The following TXNDC8 variants were observed in gnomAD, a reference collection of about 807,000 sequenced individuals.
TXNDC8 encodes thioredoxin domain containing 8, also known as thioredoxin domain-containing protein 8.
In TXNDC8, 15 loss-of-function variants were observed where a neutral mutation model predicts 12.9. That is an observed-to-expected ratio of 1.16 (90% CI 0.78 to 1.79). TXNDC8 has a LOEUF of 1.79. Among genes scored for constraint, TXNDC8 ranks in the 40% most tolerant of loss-of-function variants. The pLI, the probability that TXNDC8 is intolerant of heterozygous loss-of-function variation, is 0.00. For missense variants in TXNDC8, 128 were observed against 113.2 expected (o/e 1.13, Z -0.59); for synonymous variants, 40 against 35.4 (o/e 1.13, Z -0.46).
At chr9:110,335,046 A>G (rs778730727) in intron 1 of TXNDC8, among the ~76,000 whole-genome samples, 74 of 152,098 alleles carry the variant, frequency 4.9e-4, no homozygotes, top group Non-Finnish European at 1.0e-4. Context: ...GACTGCATCT[A>G]TATTTGCTTG....
chr9:110,303,013 G>A (rs574810680), downstream of TXNDC8, among the ~76,000 whole-genome samples: 75 of 151,954 alleles, frequency 4.9e-4, no homozygotes, highest in Non-Finnish European at 8.1e-4. Flanking sequence ...TCAGTGAGCC[G>A]AGATCATGCC....
At chr9:110,309,303 C>A (rs1838574713) in intron 3 of TXNDC8, among the ~76,000 whole-genome samples, 1 of 152,038 alleles carries the variant, frequency 6.6e-6, no homozygotes, top group Non-Finnish European at 1.5e-5. Context: ...TGCAGCAGCC[C>A]TACAGGAAAA....
At chr9:110,329,320 T>C (rs962510755) in intron 2 of TXNDC8, 29 bp from the exon 3 acceptor site, 10 of 1,557,710 alleles carry the variant, frequency 6.4e-6, no homozygotes, top group Non-Finnish European at 8.8e-6. Flanking sequence ...ATATTTCCCA[T>C]TAGTTTGGTG....
intron 3 of TXNDC8, among the ~76,000 whole-genome samples, chr9:110,324,498 A>G (rs1032292132): frequency 6.6e-6 from 1 of 152,184 alleles, no homozygotes; most frequent in Non-Finnish European, 1.5e-5. Flanking sequence ...AAGCTTAAGC[A>G]TGCATTTTGC....
chr9:110,303,003 T>C, downstream of TXNDC8, among the ~76,000 whole-genome samples: 1 of 151,860 alleles, frequency 6.6e-6, no homozygotes. Context: ...GGCAGAGGTT[T>C]CAGTGAGCCG....
chr9:110,329,484 G>T (rs1839471629), intron 2 of TXNDC8, among the ~76,000 whole-genome samples, 193 bp from the exon 3 acceptor site: 1 of 152,174 alleles, frequency 6.6e-6, no homozygotes, highest in African/African-American at 2.4e-5. Context: ...AAGGTCAGAT[G>T]ATGTAAGGAC....
intron 3 of TXNDC8, among the ~76,000 whole-genome samples, chr9:110,307,013 T>C (rs969036273): frequency 2.0e-5 from 3 of 152,024 alleles, no homozygotes; most frequent in African/African-American, 7.2e-5. Flanking sequence ...GCGATCATAG[T>C]TCACTGCAGT....
intron 3 of TXNDC8, among the ~76,000 whole-genome samples, chr9:110,311,535 ATATATATATATATATATATAT>A (rs1371027465): frequency 4.6e-5 from 5 of 109,724 alleles, no homozygotes; most frequent in African/African-American, 2.5e-4. Context: ...ATATATATAT[ATATATATATATATATATATAT>A]ATCTCCATAC....
intron 1 of TXNDC8, among the ~76,000 whole-genome samples, chr9:110,336,777 A>C (rs1839777142): frequency 6.6e-6 from 1 of 152,166 alleles, no homozygotes; most frequent in Admixed American, 6.6e-5. Flanking sequence ...AAAGAAAATG[A>C]AGTAGGAAGG....
chr9:110,303,993 G>A (rs1360154906), intron 4 of TXNDC8, among the ~76,000 whole-genome samples: 1 of 152,148 alleles, frequency 6.6e-6, no homozygotes, highest in African/African-American at 2.4e-5. Flanking sequence ...TTCTCCCCAG[G>A]TAAGAGTATT....
intron 3 of TXNDC8, among the ~76,000 whole-genome samples, chr9:110,314,139 C>T (rs1259658303): frequency 6.6e-6 from 1 of 152,160 alleles, no homozygotes; most frequent in African/African-American, 2.4e-5. Context: ...CTGATTGCCT[C>T]CTTTGGAGAG....
intron 4 of TXNDC8, among the ~76,000 whole-genome samples, chr9:110,304,184 A>G (rs887141391): frequency 1.3e-5 from 2 of 152,230 alleles, no homozygotes; most frequent in African/African-American, 4.8e-5. Context: ...AATATATTAC[A>G]TGGTTGAAGA....
chr9:110,305,604 TTC>T (rs1301872043), intron 3 of TXNDC8, among the ~76,000 whole-genome samples: 7 of 128,982 alleles, frequency 5.4e-5, no homozygotes, highest in African/African-American at 1.1e-4. Context: ...CTTTCTTTCT[TTC>T]TTTCTTTTTC....
At chr9:110,304,433 A>G (rs1329395260) in intron 4 of TXNDC8, 34 bp downstream of exon 5, 1 of 1,577,434 alleles carries the variant, frequency 6.3e-7, no homozygotes, top group Non-Finnish European at 8.7e-7. Flanking sequence ...TAAACCCCAG[A>G]TTTCTAACTC....
intron 3 of TXNDC8, among the ~76,000 whole-genome samples, chr9:110,315,095 C>T (rs1309418265): frequency 1.3e-5 from 2 of 151,998 alleles, no homozygotes; most frequent in Admixed American, 1.3e-4. Flanking sequence ...GCCCATCATC[C>T]AGAGGCAGGT....
At chr9:110,337,654 C>T (rs1368534702) in intron 1 of TXNDC8, 119 bp downstream of exon 1, 2 of 923,836 alleles carry the variant, frequency 2.2e-6, no homozygotes, top group Non-Finnish European at 3.3e-6. Context: ...TAGAACTCTC[C>T]CCTTGCTACA....
intron 1 of TXNDC8, among the ~76,000 whole-genome samples, chr9:110,336,720 G>A (rs780244397): frequency 2.6e-5 from 4 of 151,984 alleles, no homozygotes; most frequent in Non-Finnish European, 5.9e-5. Context: ...AAGGTCAATA[G>A]GTAATATTTG....
At chr9:110,329,673 T>C (rs1839477692) in intron 2 of TXNDC8, among the ~76,000 whole-genome samples, 1 of 152,202 alleles carries the variant, frequency 6.6e-6, no homozygotes, top group African/African-American at 2.4e-5. Flanking sequence ...ATCTTTGAGA[T>C]ACAGTTCTCC....
chr9:110,324,390 C>T (rs531753341), intron 3 of TXNDC8, among the ~76,000 whole-genome samples: 11 of 151,992 alleles, frequency 7.2e-5, no homozygotes, highest in Non-Finnish European at 1.3e-4. Flanking sequence ...TATATTGCAC[C>T]AGCTATATTA....
Sources: gnomAD v4.1 joint callset for allele counts (sites outside exome capture counted in the v4.1 genomes callset) on GRCh38, gnomAD v4.1.1 for gene constraint, MANE v1.5 for transcripts, NCBI Gene and HGNC (gene_info 2026-07-23, HGNC 2026-07-21) for gene names.